Variants in MRPS23 observed in about 807,000 individuals in gnomAD.
MRPS23 encodes the protein mitochondrial ribosomal protein S23.
In MRPS23, 14 loss-of-function variants were observed where a neutral mutation model predicts 19.8. That is an observed-to-expected ratio of 0.71 (90% CI 0.47 to 1.11). MRPS23 has a LOEUF of 1.11. MRPS23 is among the 50% of genes least tolerant of loss of function. The pLI is 0.00. For synonymous variants in MRPS23, 113 were observed against 89.7 expected, an observed-to-expected ratio of 1.26 and a Z score of -1.47; for missense variants, 242 against 236.7, an observed-to-expected ratio of 1.02 and a Z score of -0.15.
chr17:57,845,480 T>C (rs2073766594), intron 2 of MRPS23, among the ~76,000 whole-genome samples: 1 of 152,102 alleles, frequency 6.6e-6, no homozygotes, highest in Non-Finnish European at 1.5e-5. Flanking sequence ...TTAGGCACAC[T>C]CATTGGTATA....
rs540277408 is a variant in MRPS23, at chr17:57,847,752, A to T, written c.215+1488T>A. ...CCCTCTGTTGCCCAGGCTGGAGTGC[A>T]GTGGTGCACTCTCAGCTCACTGCAA... is the stretch of plus-strand genomic sequence containing the variant. On this transcript the variant is annotated intron_variant, in intron 2 of 4. Coordinates refer to ENST00000313608, the MANE Select transcript of MRPS23 (RefSeq NM_016070.4). Among the ~76,000 whole-genome samples, 247 of 149,060 alleles carry T rather than the reference A, an allele frequency of 1.7e-3. 3 individuals carry two copies. The highest frequency in any genetic ancestry group is 6.4e-4 in the Non-Finnish European group (43 of 67,432).
At position 57,849,993 on chromosome 17, in the gene MRPS23, C is replaced by T; in HGVS notation, c.18G>A (p.Leu6=). MAGSR[L]ETVGSIFSRT... ...GAGAGAAGATGCTCCCTACGGTTTC[C>T]AGCCGGCTGCCTGCCATGATCTGCG... Residue 6 remains leucine, a synonymous_variant, in exon 1 of 5, where the codon CTG becomes CTA. Transcript: ENST00000313608. 1 of 1,591,120 alleles carries T rather than the reference C, an allele frequency of 6.3e-7. No individual in the cohort carries two copies.
Position 57,841,025 on chromosome 17 carries a change from C to G in MRPS23, c.321G>C (p.Gln107His). The stretch of plus-strand genomic sequence containing the variant: ...TCTCTTCATCTGTTTCTCCAAGTTT[C>G]TGTAGCTCAGTGTACTTCTCCACAA... ...QRFVEKYTELQKLGETDEEKL... is the reference protein window; with the variant it reads ...QRFVEKYTELHKLGETDEEKL... The change falls in exon 4 of 5, where the codon CAG becomes CAC. Residue 107 changes from glutamine (Q) to histidine (H), a missense_variant. By Grantham distance (24) the Gln-to-His change is conservative. Transcript: ENST00000313608. 1 of 1,614,206 alleles carries G rather than the reference C, an allele frequency of 6.2e-7. No homozygotes were observed. The highest frequency in any genetic ancestry group is 8.5e-7 in the Non-Finnish European group (1 of 1,180,032).
At chr17:57,841,079 G>C in intron 3 of MRPS23, 27 bp from the exon 4 acceptor site, 1 of 1,612,866 alleles carries the variant, frequency 6.2e-7, no homozygotes, top group Non-Finnish European at 8.5e-7. Flanking sequence ...TCACATTTTA[G>C]GTATGTTTGT....
intron 2 of MRPS23, among the ~76,000 whole-genome samples, chr17:57,846,253 G>A (rs1265115530): frequency 7.1e-6 from 1 of 141,148 alleles, no homozygotes; most frequent in Admixed American, 6.8e-5. Flanking sequence ...GAGGGAGGTG[G>A]GGGGTAGCCA....
At chr17:57,849,779 A>G in intron 1 of MRPS23, 188 bp downstream of exon 1, 1 of 686,852 alleles carries the variant, frequency 1.5e-6, no homozygotes, top group East Asian at 2.8e-5. Flanking sequence ...CATAAATTCA[A>G]GGAGAGGCAT....
rs1305922451 is a variant in MRPS23 at position 57,838,857 on chromosome 17, A to G, written c.*926T>C. The G allele has an allele frequency of 2.0e-5, 3 of 152,236 alleles. No homozygotes were observed. The highest frequency in any genetic ancestry group is 7.2e-5 in the African/African-American group (3 of 41,454). 9.4% of individuals were successfully genotyped at this position (152,236 alleles called of 1,614,324 possible). A position where few individuals can be genotyped will look rare whatever the true frequency, so the allele number is the denominator to read the frequency against. ...ATCTACATGAGTTTTAAAATAGGGAATTTCTGAAGCAGCTTACTACTAACA... is the reference window on the plus strand; with the variant it reads ...ATCTACATGAGTTTTAAAATAGGGAGTTTCTGAAGCAGCTTACTACTAACA... On this transcript the variant is annotated 3_prime_UTR_variant, in exon 5 of 5. Coordinates refer to ENST00000313608, the MANE Select transcript of MRPS23 (RefSeq NM_016070.4).
Position 57,841,241 on chromosome 17 carries a change from C to T in MRPS23, c.235G>A (p.Gly79Arg), listed in dbSNP as rs1481004376. The stretch of plus-strand genomic sequence containing the variant: ...AGATCAAAAGCTCTTTGACCAGACC[C>T]ATACACTGAATAAAACTTCCTAGAA... ...RIRAKFYSVY[G>R]SGQRAFDLFN... Residue 79 changes from glycine to arginine, a missense_variant, in exon 3 of 5, where the codon GGG becomes AGG. Gly to Arg is a moderately radical substitution (Grantham distance 125). Transcript: ENST00000313608. The T allele has an allele frequency of 3.0e-5, 48 of 1,613,814 alleles. No homozygotes were observed. Among genetic ancestry groups the T allele is most frequent in the Non-Finnish European group, 3.8e-5 (45 of 1,180,010 alleles).
In MRPS23 at chr17:57,849,280, G is replaced by A. The variant is rs1420240884; in HGVS notation, c.175C>T (p.Pro59Ser). The A allele has an allele frequency of 3.7e-6, 6 of 1,614,082 alleles. No individual in the cohort carries two copies. The highest frequency in any genetic ancestry group is 5.1e-6 in the Non-Finnish European group (6 of 1,180,046). ...PRVRYGKAKA[P>S]IQDIWYHEDR... ...TCGTGGTACCAGATGTCTTGGATGG[G>A]AGCTTTGGCTTTGCCATATCGCACT... The change falls in exon 2 of 5, where the codon CCC (proline) becomes TCC (serine). Residue 59 changes from proline to serine, a missense_variant. Physicochemically the swap from Pro to Ser is moderately conservative, Grantham distance 74 (BLOSUM62 -1). Transcript: ENST00000313608.
rs1177164875 is a variant in MRPS23 at position 57,841,226 on chromosome 17, C to T, written c.250G>A (p.Ala84Thr). ...AAGTTTGGATTGAATAGATCAAAAG[C>T]TCTTTGACCAGACCCATACACTGAA... ...FYSVYGSGQR[A>T]FDLFNPNFKS... The change falls in exon 3 of 5, where the codon GCT becomes ACT. Residue 84 changes from alanine to threonine, a missense_variant. Physicochemically the swap from Ala to Thr is moderately conservative, Grantham distance 58. Transcript: ENST00000313608. 6.2e-7 allele frequency: 1 copy of T among 1,614,116 alleles called. No homozygotes were observed. The highest frequency in any genetic ancestry group is 1.7e-5 in the Admixed American group (1 of 60,026).
rs1465987256 is a variant in MRPS23, at chr17:57,839,634, C to T, written c.*149G>A. On this transcript the variant is annotated 3_prime_UTR_variant, in exon 5 of 5. Transcript: ENST00000313608. The stretch of plus-strand genomic sequence containing the variant: ...GCTTCTGTCAAACCATGATACTGAG[C>T]TTTGTGACAACCCAGAAATAACTAA... The T allele has an allele frequency of 1.0e-6, 1 of 1,000,442 alleles. No individual in the cohort carries two copies. The highest frequency in any genetic ancestry group is 1.6e-5 in the African/African-American group (1 of 62,188). 62.0% of individuals were successfully genotyped at this position (1,000,442 alleles called of 1,614,324 possible).
intron 2 of MRPS23, among the ~76,000 whole-genome samples, 181 bp from the exon 3 acceptor site, chr17:57,841,441 C>T (rs1318768606): frequency 6.6e-6 from 1 of 152,196 alleles, no homozygotes; most frequent in African/African-American, 2.4e-5. Flanking sequence ...ATGGTAAATA[C>T]ATCAAATAGC....
Position 57,841,057 on chromosome 17 carries a change from A to C in MRPS23, c.294-5T>G. On this transcript the variant is annotated splice_polypyrimidine_tract_variant and splice_region_variant and intron_variant, in intron 3 of 4. Transcript: ENST00000313608. ...TCAGTGTACTTCTCCACAAACCTGTAATTCCAAGCAGTCACATTTTAGGTA... is the reference window on the plus strand; with the variant it reads ...TCAGTGTACTTCTCCACAAACCTGTCATTCCAAGCAGTCACATTTTAGGTA... The C allele has an allele frequency of 6.2e-7, 1 of 1,613,720 alleles. No homozygotes were observed.
intron 2 of MRPS23, among the ~76,000 whole-genome samples, chr17:57,841,713 C>T (rs1173970411): frequency 6.6e-6 from 1 of 152,242 alleles, no homozygotes; most frequent in Non-Finnish European, 1.5e-5. Flanking sequence ...ATAATCCCAG[C>T]ACTTTGGGAG....
At chr17:57,840,706 T>TACA in intron 4 of MRPS23, 1 of 404,634 alleles carries the variant, frequency 2.5e-6, no homozygotes, top group East Asian at 3.6e-5. Flanking sequence ...TATAACTACT[T>TACA]ACATAGCATT....
rs1441843910 is a variant in MRPS23 at position 57,840,990 on chromosome 17, A to T, written c.356T>A (p.Val119Glu). 6.2e-7 allele frequency: 1 copy of T among 1,614,186 alleles called. No homozygotes were observed. The highest frequency in any genetic ancestry group is 8.5e-7 in the Non-Finnish European group (1 of 1,180,032). The change falls in exon 4 of 5, where the codon GTG becomes GAG. Residue 119 changes from valine to glutamate, a missense_variant. By Grantham distance (121) the Val-to-Glu change is moderately radical. Coordinates refer to ENST00000313608, the MANE Select transcript of MRPS23 (RefSeq NM_016070.4). The part of the protein sequence containing the change: ...LGETDEEKLF[V>E]ETGKALLAEG... Reference sequence around the variant, plus strand: ...TGCCAATAAAGCCTTCCCTGTTTCCACAAATAACTTCTCTTCATCTGTTTC... The same window carrying T: ...TGCCAATAAAGCCTTCCCTGTTTCCTCAAATAACTTCTCTTCATCTGTTTC...
intron 2 of MRPS23, among the ~76,000 whole-genome samples, chr17:57,846,383 C>A (rs1431615357): frequency 6.6e-6 from 1 of 152,136 alleles, no homozygotes; most frequent in Non-Finnish European, 1.5e-5. Flanking sequence ...GTGAGGAGCC[C>A]CTCTGCCCGG....
At chr17:57,842,879 A>AAT (rs1163576750) in intron 2 of MRPS23, among the ~76,000 whole-genome samples, 37 of 99,444 alleles carry the variant, frequency 3.7e-4, no homozygotes, top group African/African-American at 1.2e-3. Context: ...AAAAAAAAAA[A>AAT]ATATATATAT....
rs542698090 is a variant in MRPS23 at position 57,846,724 on chromosome 17, G to C, written c.215+2516C>G. Reference sequence around the variant, plus strand: ...ACAGATGCTTGAAGGCAGCATGCTCGTTAAGAGTCATCACCACTCCCTAAT... The same window carrying C: ...ACAGATGCTTGAAGGCAGCATGCTCCTTAAGAGTCATCACCACTCCCTAAT... On this transcript the variant is annotated intron_variant, in intron 2 of 4. Coordinates refer to ENST00000313608, the MANE Select transcript of MRPS23 (RefSeq NM_016070.4). 2.7e-3 allele frequency among the ~76,000 whole-genome samples: 417 copies of C among 151,982 alleles called. 3 individuals are homozygous for C. Among genetic ancestry groups the C allele is most frequent in the Middle Eastern group, 0.01 (3 of 294 alleles).
Sources: allele counts gnomAD v4.1 joint callset (sites outside exome capture counted in the v4.1 genomes callset), GRCh38; gene constraint gnomAD v4.1.1; transcripts MANE v1.5; gene names NCBI Gene and HGNC (gene_info 2026-07-23, HGNC 2026-07-21).